The following STIM1 variants were observed in gnomAD, a reference collection of about 807,000 sequenced individuals.
STIM1 encodes the protein stromal interaction molecule 1.
In STIM1, 25 loss-of-function variants were observed where a neutral mutation model predicts 74.7. That is an observed-to-expected ratio of 0.33 (90% CI 0.24 to 0.47). STIM1 has a LOEUF of 0.47. Among genes scored for constraint, STIM1 ranks in the 20% least tolerant of loss-of-function variants. The probability of loss-of-function intolerance (pLI) is 1.00; values close to 1 mark genes in which losing one functional copy is unlikely to be tolerated. For missense variants in STIM1, 728 were observed against 920.8 expected (o/e 0.79, Z 2.71); for synonymous variants, 328 against 348.8 (o/e 0.94, Z 0.66).
chr11:3,887,362 G>A (rs1340228072), intron 1 of STIM1, among the ~76,000 whole-genome samples: 2 of 152,188 alleles, frequency 1.3e-5, no homozygotes, highest in East Asian at 1.9e-4. Context: ...GGAAACATGG[G>A]CATTATGAAA....
In STIM1 at chr11:3,970,192, G is replaced by A. The variant is rs534579288; in HGVS notation, c.270+2510G>A. Among the ~76,000 whole-genome samples, 179 of 151,522 alleles carry A rather than the reference G, an allele frequency of 1.2e-3. 1 individual carries two copies. Among genetic ancestry groups the A allele is most frequent in the African/African-American group, 4.0e-3 (165 of 41,352 alleles). The stretch of plus-strand genomic sequence containing the variant: ...AAAGCTCATCAGCACAAACTGTTCC[G>A]AAATAACACAAAAACTGTTACCCTG... On this transcript the variant is annotated intron_variant, in intron 2 of 12. Coordinates refer to ENST00000526596, the MANE Select transcript of STIM1 (RefSeq NM_001382567.1).
At chr11:4,000,040 C>T (rs1326495418) in intron 2 of STIM1, among the ~76,000 whole-genome samples, 1 of 152,060 alleles carries the variant, frequency 6.6e-6, no homozygotes, top group Non-Finnish European at 1.5e-5. Flanking sequence ...GGAGGGGCGC[C>T]CGCCATTGCC....
rs200996329 is a variant in STIM1 at position 4,074,498 on chromosome 11, C to A, written c.792-4C>A. The A allele has an allele frequency of 1.7e-4, 271 of 1,613,386 alleles. No individual in the cohort carries two copies. The highest frequency in any genetic ancestry group is 5.6e-4 in the East Asian group (25 of 44,876). ...TCCTCCAGCTCCCTGCATTGCCCCC[C>A]CAGGCTGCACAAGGCCCAGGAGGAG... On this transcript the variant is annotated splice_polypyrimidine_tract_variant and splice_region_variant and intron_variant, in intron 6 of 12. Coordinates refer to ENST00000526596, the MANE Select transcript of STIM1 (RefSeq NM_001382567.1).
At chr11:3,970,321 A>AGGCCTG (rs1237200823) in intron 2 of STIM1, among the ~76,000 whole-genome samples, 1 of 152,130 alleles carries the variant, frequency 6.6e-6, no homozygotes, top group Admixed American at 6.5e-5. Flanking sequence ...ATGGTTAGAG[A>AGGCCTG]GGCCTGCTGG....
intron 1 of STIM1, among the ~76,000 whole-genome samples, chr11:3,870,874 T>C (rs1476866718): frequency 6.9e-6 from 1 of 144,796 alleles, no homozygotes; most frequent in Non-Finnish European, 1.5e-5. Flanking sequence ...CTACTCTTTT[T>C]TTTTTTTTTT....
At chr11:3,888,163 T>A (rs2091785488) in intron 1 of STIM1, 2 of 152,172 alleles carry the variant, frequency 1.3e-5, no homozygotes, top group Admixed American at 6.6e-5. Context: ...CAGGTGAGGC[T>A]TTTAGGTCTG....
intron 1 of STIM1, among the ~76,000 whole-genome samples, chr11:3,868,620 A>T (rs1054868628): frequency 1.3e-5 from 2 of 152,256 alleles, no homozygotes; most frequent in Non-Finnish European, 2.9e-5. Context: ...TCTATCACCC[A>T]AGTGGCCTGG....
chr11:4,064,858 C>T (rs1221467577), intron 5 of STIM1, among the ~76,000 whole-genome samples: 1 of 152,120 alleles, frequency 6.6e-6, no homozygotes. Flanking sequence ...ATCTAGGGCT[C>T]GCCAAACAGT....
intron 5 of STIM1, 125 bp from the exon 6 acceptor site, chr11:4,069,901 A>T (rs1368551478): frequency 9.6e-7 from 1 of 1,037,822 alleles, no homozygotes; most frequent in Non-Finnish European, 1.5e-6. Flanking sequence ...AAGAGAAACT[A>T]ATTCCTTCTC....
rs559364763 is a variant in STIM1 at position 4,034,373 on chromosome 11, G to C, written c.385+10386G>C. Among the ~76,000 whole-genome samples the C allele has an allele frequency of 2.0e-5, 3 of 152,202 alleles. No individual in the cohort carries two copies. The East Asian group carries it at 5.8e-4, about 29-fold the overall frequency. On this transcript the variant is annotated intron_variant, in intron 3 of 12. Transcript: ENST00000526596. ...CTGGATTTTATCAAAGGAGTTTTCT[G>C]TGTCTATTGAGATGATTGCATGGTT... is the stretch of plus-strand genomic sequence containing the variant.
intron 4 of STIM1, among the ~76,000 whole-genome samples, chr11:4,057,334 A>G (rs2094297555): frequency 6.6e-6 from 1 of 152,154 alleles, no homozygotes; most frequent in African/African-American, 2.4e-5. Flanking sequence ...TACAGCCAAG[A>G]CCAGGTCCAG....
intron 1 of STIM1, among the ~76,000 whole-genome samples, chr11:3,882,945 C>G (rs985776680): frequency 6.6e-6 from 1 of 151,942 alleles, no homozygotes; most frequent in Non-Finnish European, 1.5e-5. Flanking sequence ...TTTTCATGTA[C>G]TTGTTGGTTA....
chr11:4,005,346 A>G (rs1437904138), intron 2 of STIM1, among the ~76,000 whole-genome samples: 1 of 152,176 alleles, frequency 6.6e-6, no homozygotes, highest in East Asian at 1.9e-4. Flanking sequence ...ATGTCCAACA[A>G]TGATAGACTG....
chr11:4,029,661 A>G (rs1436445019), intron 3 of STIM1, among the ~76,000 whole-genome samples: 1 of 152,108 alleles, frequency 6.6e-6, no homozygotes, highest in Non-Finnish European at 1.5e-5. Context: ...CTGCAATGGA[A>G]TGGCATCTGA....
chr11:3,958,860 G>A (rs957298274), intron 1 of STIM1, among the ~76,000 whole-genome samples: 2 of 151,386 alleles, frequency 1.3e-5, no homozygotes, highest in African/African-American at 2.4e-5. Flanking sequence ...CAGGAGAATC[G>A]CTTGAACCTG....
intron 2 of STIM1, among the ~76,000 whole-genome samples, chr11:3,989,716 C>A (rs778387748): frequency 6.6e-6 from 1 of 152,210 alleles, no homozygotes; most frequent in Non-Finnish European, 1.5e-5. Flanking sequence ...TGGCATACAG[C>A]CACTCTCGTT....
At chr11:3,925,769 A>G (rs1177415969) in intron 1 of STIM1, among the ~76,000 whole-genome samples, 4 of 152,220 alleles carry the variant, frequency 2.6e-5, no homozygotes, top group African/African-American at 9.6e-5. Flanking sequence ...AATTGTGGCT[A>G]CTTTTAAACT....
intron 1 of STIM1, among the ~76,000 whole-genome samples, chr11:3,917,155 A>C (rs10160649): frequency 6.6e-6 from 1 of 152,004 alleles, no homozygotes; most frequent in East Asian, 1.9e-4. Context: ...TCTGTATCTC[A>C]GCCTGTGAGG....
intron 5 of STIM1, among the ~76,000 whole-genome samples, chr11:4,066,305 T>C (rs2094364811): frequency 6.6e-6 from 1 of 152,170 alleles, no homozygotes; most frequent in Non-Finnish European, 1.5e-5. Flanking sequence ...GTAGGGGTTG[T>C]GCGATGCAGC....
Sources: allele counts gnomAD v4.1 joint callset (sites outside exome capture counted in the v4.1 genomes callset), GRCh38; gene constraint gnomAD v4.1.1; transcripts MANE v1.5; gene names NCBI Gene and HGNC (gene_info 2026-07-23, HGNC 2026-07-21).